The following FANCL variants were observed in gnomAD, a reference collection of about 807,000 sequenced individuals.
The protein encoded by FANCL is E3 ubiquitin-protein ligase FANCL.
In FANCL, 69 loss-of-function variants were observed where a neutral mutation model predicts 59.4. The ratio of observed to expected loss-of-function variants is 1.16; its 90% CI spans 0.96 to 1.42. The LOEUF is 1.42. Ranked by LOEUF, FANCL falls within the 40% of genes most tolerant of loss-of-function variation. FANCL has a pLI of 0.00. For missense variants in FANCL, 519 were observed against 447.2 expected (o/e 1.16, Z -1.45); for synonymous variants, 180 against 147.1 (o/e 1.22, Z -1.62).
chr2:58,241,340 A>G (rs1337214006), upstream of FANCL: 2 of 1,610,924 alleles, frequency 1.2e-6, no homozygotes, highest in Non-Finnish European at 1.7e-6. Flanking sequence ...AAACACAGAA[A>G]AGCTCTAGAC....
intron 6 of FANCL, 58 bp from the exon 7 acceptor site, chr2:58,198,720 G>A: frequency 7.2e-7 from 1 of 1,392,408 alleles, no homozygotes; most frequent in South Asian, 1.2e-5. Flanking sequence ...TATCACTGAG[G>A]TATTTTAGAA....
Sources: allele counts gnomAD v4.1 joint callset, GRCh38; gene constraint gnomAD v4.1.1; transcripts MANE v1.5; gene names NCBI Gene and HGNC (gene_info 2026-07-23, HGNC 2026-07-21).